Variants in GARNL3 observed in about 807,000 individuals in gnomAD.
The protein encoded by GARNL3 is GTPase activating Rap/RanGAP domain like 3.
In GARNL3, 63 loss-of-function variants were observed where a neutral mutation model predicts 125.0. The observed-to-expected ratio is 0.50, with a 90% CI of 0.41 to 0.62. GARNL3 has a LOEUF of 0.62. Ranked by LOEUF, GARNL3 falls within the 20% of genes least tolerant of loss-of-function variation. GARNL3 has a pLI of 0.00. For synonymous variants in GARNL3, 439 were observed against 457.5 expected (o/e 0.96, Z 0.52); for missense variants, 994 against 1,244.0 (o/e 0.80, Z 3.02).
intron 1 of GARNL3, among the ~76,000 whole-genome samples, chr9:127,226,113 C>T (rs1273136469): frequency 6.6e-6 from 1 of 152,244 alleles, no homozygotes; most frequent in Non-Finnish European, 1.5e-5. Context: ...ACACCCCAGC[C>T]GGCCGCGAAA....
At chr9:127,233,458 GA>G (rs35175063) in intron 1 of GARNL3, among the ~76,000 whole-genome samples, 2 of 151,656 alleles carry the variant, frequency 1.3e-5, no homozygotes, top group Non-Finnish European at 2.9e-5. Context: ...TGGGTTGGTA[GA>G]AAAAAAAGTC....
chr9:127,342,380 T>C, intron 14 of GARNL3, 46 bp downstream of exon 14: 1 of 1,270,822 alleles, frequency 7.9e-7, no homozygotes, highest in Non-Finnish European at 1.2e-6. Flanking sequence ...GGGGTCTGAG[T>C]TGAGAACACA....
intron 2 of GARNL3, among the ~76,000 whole-genome samples, chr9:127,254,130 A>T (rs2063453819): frequency 6.6e-6 from 1 of 152,168 alleles, no homozygotes; most frequent in Non-Finnish European, 1.5e-5. Flanking sequence ...TCACCTATTA[A>T]ATGTATTTTA....
intron 1 of GARNL3, among the ~76,000 whole-genome samples, chr9:127,288,769 T>C (rs1169391631): frequency 1.3e-5 from 2 of 152,164 alleles, no homozygotes; most frequent in East Asian, 1.9e-4. Flanking sequence ...GTCTAAAATA[T>C]AGTGTTTTAT....
chr9:127,371,004 T>G (rs1011991968), intron 22 of GARNL3, among the ~76,000 whole-genome samples: 1 of 152,156 alleles, frequency 6.6e-6, no homozygotes, highest in African/African-American at 2.4e-5. Flanking sequence ...AGATCTTTCC[T>G]CCTCACATGT....
rs752707278 is a variant in GARNL3, at chr9:127,354,348, A to G, written c.1697A>G (p.Glu566Gly). ...CTAAGTGCTCTGCAAAAGGGCCTTG[A>G]GGGGAAGCAGGCTGGGAAGAGCAGG... ...FRLSALQKGL[E>G]GKQAGKSRSD... The change falls in exon 19 of 28, where the codon GAG becomes GGG. Residue 566 changes from glutamate (E) to glycine (G), a missense_variant. By Grantham distance (98) the Glu-to-Gly change is moderately conservative. This residue lies in a region of GARNL3 where 728 missense variants were observed against 865.7 expected (regional missense o/e 0.84). Transcript: ENST00000373387. 2 of 1,613,780 alleles carry G rather than the reference A, an allele frequency of 1.2e-6. No homozygotes were observed. The highest frequency in any genetic ancestry group is 4.5e-5 in the East Asian group (2 of 44,884).
At chr9:127,387,046 C>A in intron 24 of GARNL3, 147 bp from the exon 25 acceptor site, 2 of 724,576 alleles carry the variant, frequency 2.8e-6, no homozygotes, top group South Asian at 2.7e-5. Flanking sequence ...AGAAGGCTCT[C>A]TCCATCCCTC....
chr9:127,301,212 C>T (rs1001011149), intron 2 of GARNL3, among the ~76,000 whole-genome samples: 1 of 152,152 alleles, frequency 6.6e-6, no homozygotes, highest in African/African-American at 2.4e-5. Context: ...GTTATTGAAC[C>T]TTTTGGACCA....
chr9:127,367,246 C>G (rs1436627214), intron 22 of GARNL3: 17 of 152,220 alleles, frequency 1.1e-4, no homozygotes, highest in Non-Finnish European at 1.5e-5. Context: ...CCTGTTTAGT[C>G]TATGTTCTTG....
intron 22 of GARNL3, among the ~76,000 whole-genome samples, chr9:127,378,936 C>T (rs920905999): frequency 6.6e-5 from 10 of 152,162 alleles, no homozygotes; most frequent in South Asian, 4.1e-4. Context: ...CCACTAGGTC[C>T]GGCTAATTTT....
chr9:127,375,440 TG>T (rs1831845454), intron 22 of GARNL3, among the ~76,000 whole-genome samples: 1 of 143,388 alleles, frequency 7.0e-6, no homozygotes, highest in Non-Finnish European at 1.5e-5. Flanking sequence ...CACTCCAGCC[TG>T]GGTGACAGAG....
rs1830541362 is a variant in GARNL3 at position 127,353,908 on chromosome 9, G to A, written c.1606G>A (p.Glu536Lys). The change falls in exon 18 of 28, where the codon GAG becomes AAG. Residue 536 changes from glutamate to lysine, a missense_variant. This residue lies in a region of GARNL3 where 728 missense variants were observed against 865.7 expected (regional missense o/e 0.84). Coordinates refer to ENST00000373387, the MANE Select transcript of GARNL3 (RefSeq NM_032293.5). ...GCCAGTGAAGCAAATGCATGTGCTTGAGACCCTGGACCTTCTGGTTCTCAG... is the reference window on the plus strand; with the variant it reads ...GCCAGTGAAGCAAATGCATGTGCTTAAGACCCTGGACCTTCTGGTTCTCAG... ...TLPVKQMHVL[E>K]TLDLLVLRAD... 3 of 1,613,466 alleles carry A rather than the reference G, an allele frequency of 1.9e-6. No homozygotes were observed. Among genetic ancestry groups the A allele is most frequent in the Admixed American group, 1.7e-5 (1 of 59,992 alleles).
intron 2 of GARNL3, among the ~76,000 whole-genome samples, chr9:127,255,270 A>G (rs1194045678): frequency 6.6e-6 from 1 of 152,244 alleles, no homozygotes; most frequent in Non-Finnish European, 1.5e-5. Flanking sequence ...AATGGAGGAT[A>G]TTGATGCAGC....
At chr9:127,337,220 G>A (rs1285756419) in intron 11 of GARNL3, among the ~76,000 whole-genome samples, 2 of 152,078 alleles carry the variant, frequency 1.3e-5, no homozygotes, top group Non-Finnish European at 2.9e-5. Context: ...CTGGGATTTA[G>A]GACTAATATT....
intron 1 of GARNL3, among the ~76,000 whole-genome samples, chr9:127,231,035 CATAT>C (rs200926096): frequency 5.4e-5 from 3 of 55,828 alleles, no homozygotes; most frequent in African/African-American, 8.7e-5. Flanking sequence ...TGTATATATA[CATAT>C]ATATATATAT....
intron 17 of GARNL3, among the ~76,000 whole-genome samples, chr9:127,351,151 A>G (rs1431948263): frequency 1.3e-5 from 2 of 152,250 alleles, no homozygotes; most frequent in East Asian, 3.9e-4. Context: ...AAGAGAAAGC[A>G]TGCTTCATAA....
chr9:127,346,103 A>G (rs1478448723), intron 16 of GARNL3, among the ~76,000 whole-genome samples: 1 of 152,218 alleles, frequency 6.6e-6, no homozygotes, highest in African/African-American at 2.4e-5. Flanking sequence ...TTGGCTATTT[A>G]TCTACATCCT....
chr9:127,228,215 C>T (rs1325798142), intron 1 of GARNL3, among the ~76,000 whole-genome samples: 1 of 152,144 alleles, frequency 6.6e-6, no homozygotes, highest in Non-Finnish European at 1.5e-5. Flanking sequence ...ATGTAGTTTA[C>T]TTACAGTTTT....
intron 7 of GARNL3, among the ~76,000 whole-genome samples, chr9:127,326,269 C>A (rs907325630): frequency 6.6e-6 from 1 of 152,090 alleles, no homozygotes; most frequent in Admixed American, 6.5e-5. Flanking sequence ...AATAAAAGCA[C>A]CATGAGAGCG....
Sources: gnomAD v4.1 joint callset for allele counts (sites outside exome capture counted in the v4.1 genomes callset) on GRCh38, gnomAD v4.1.1 for gene constraint, gnomAD v4.1.1 regional missense constraint, MANE v1.5 for transcripts, NCBI Gene and HGNC (gene_info 2026-07-23, HGNC 2026-07-21) for gene names.